Variants in FAM117B observed in about 807,000 individuals in gnomAD.
FAM117B encodes protein FAM117B.
Under a neutral mutation model 52.8 loss-of-function variants are expected in FAM117B, and 22 were observed. That is an observed-to-expected ratio of 0.42 (90% confidence interval 0.30 to 0.59). FAM117B has a LOEUF of 0.59. FAM117B is among the 20% of genes least tolerant of loss of function. The pLI is 0.22. For missense variants in FAM117B, 678 were observed against 802.6 expected, an observed-to-expected ratio of 0.84 and a Z score of 1.88; for synonymous variants, 309 against 324.1, an observed-to-expected ratio of 0.95 and a Z score of 0.50.
At chr2:202,654,263 A>C (rs1690020633) in intron 1 of FAM117B, among the ~76,000 whole-genome samples, 1 of 93,598 alleles carries the variant, frequency 1.1e-5, no homozygotes, top group African/African-American at 3.2e-5. Context: ...AGTCTACCTC[A>C]AAAAAAAAAA....
intron 1 of FAM117B, among the ~76,000 whole-genome samples, chr2:202,675,972 G>A (rs1690371912): frequency 1.5e-5 from 2 of 135,862 alleles, no homozygotes; most frequent in Admixed American, 7.8e-5. Flanking sequence ...GGGACAGAGC[G>A]AGACACAGTC....
chr2:202,760,675 C>A (rs530106767), intron 7 of FAM117B, among the ~76,000 whole-genome samples: 5 of 152,022 alleles, frequency 3.3e-5, no homozygotes, highest in Non-Finnish European at 5.9e-5. Context: ...GTCTGATTCT[C>A]AGTTTTTTCA....
chr2:202,641,443 T>A (rs1337374560), intron 1 of FAM117B, among the ~76,000 whole-genome samples: 1 of 152,206 alleles, frequency 6.6e-6, no homozygotes, highest in Non-Finnish European at 1.5e-5. Context: ...GTTAATAGTA[T>A]GTACTCTGGA....
chr2:202,653,249 C>CA (rs1689982673), intron 1 of FAM117B, among the ~76,000 whole-genome samples: 2 of 152,192 alleles, frequency 1.3e-5, no homozygotes, highest in East Asian at 3.8e-4. Context: ...GCCTGGGCAA[C>CA]AGAGTAAGAC....
At chr2:202,650,942 C>A (rs1413296918) in intron 1 of FAM117B, among the ~76,000 whole-genome samples, 1 of 152,102 alleles carries the variant, frequency 6.6e-6, no homozygotes, top group Non-Finnish European at 1.5e-5. Flanking sequence ...TTTGGCAACA[C>A]CCTCACAAAC....
In FAM117B at chr2:202,668,004, C is replaced by T. The variant is rs138878521; in HGVS notation, c.602-27877C>T. Among the ~76,000 whole-genome samples the T allele has an allele frequency of 1.4e-3, 210 of 150,446 alleles. 5 individuals are homozygous for T. In the East Asian group the frequency reaches 0.04, roughly 29 times the overall value. ...TTGGGAGGCCCAGATGGGAAGATTG[C>T]TTGAGGCCAGGAGTTTGCTTAGGCA... On this transcript the variant is annotated intron_variant, in intron 1 of 7. Coordinates refer to ENST00000392238, the MANE Select transcript of FAM117B (RefSeq NM_173511.4).
At chr2:202,656,147 A>G (rs941744051) in intron 1 of FAM117B, among the ~76,000 whole-genome samples, 4 of 152,036 alleles carry the variant, frequency 2.6e-5, no homozygotes, top group African/African-American at 9.7e-5. Context: ...GAGGTTTATT[A>G]TTTTTATAGG....
At chr2:202,732,160 G>C (rs1691362608) in intron 4 of FAM117B, among the ~76,000 whole-genome samples, 1 of 151,848 alleles carries the variant, frequency 6.6e-6, no homozygotes, top group African/African-American at 2.4e-5. Flanking sequence ...CAAAGTGCCG[G>C]GATTACAGGC....
chr2:202,688,869 A>G (rs1690582086), intron 1 of FAM117B, among the ~76,000 whole-genome samples: 2 of 152,224 alleles, frequency 1.3e-5, no homozygotes, highest in African/African-American at 4.8e-5. Context: ...TTTCACGAAC[A>G]GATCTTAAAA....
At chr2:202,733,397 C>T (rs896471867) in intron 4 of FAM117B, among the ~76,000 whole-genome samples, 7 of 152,094 alleles carry the variant, frequency 4.6e-5, no homozygotes, top group Non-Finnish European at 8.8e-5. Flanking sequence ...TTTACCAGGA[C>T]GGGATCTTTT....
chr2:202,751,824 C>A (rs1691728550), intron 4 of FAM117B, among the ~76,000 whole-genome samples: 1 of 145,644 alleles, frequency 6.9e-6, no homozygotes. Context: ...ATCTGTGCAC[C>A]AAAGATCTGA....
chr2:202,685,498 C>A (rs1049664806), intron 1 of FAM117B, among the ~76,000 whole-genome samples: 1 of 152,158 alleles, frequency 6.6e-6, no homozygotes, highest in Non-Finnish European at 1.5e-5. Context: ...ACAATTCCTA[C>A]TCTGATCCTA....
chr2:202,723,631 A>G (rs1691185697), intron 2 of FAM117B, among the ~76,000 whole-genome samples: 1 of 152,166 alleles, frequency 6.6e-6, no homozygotes, highest in Non-Finnish European at 1.5e-5. Flanking sequence ...GTACTCTGTT[A>G]TAAAGGTATA....
At chr2:202,646,085 G>A (rs1398711386) in intron 1 of FAM117B, among the ~76,000 whole-genome samples, 3 of 149,834 alleles carry the variant, frequency 2.0e-5, no homozygotes, top group Admixed American at 2.0e-4. Flanking sequence ...GGAGTGCAGT[G>A]GCACTATCTT....
At chr2:202,668,975 G>A (rs1690251437) in intron 1 of FAM117B, among the ~76,000 whole-genome samples, 1 of 152,018 alleles carries the variant, frequency 6.6e-6, no homozygotes, top group East Asian at 1.9e-4. Context: ...AACCTATTAC[G>A]AATAGGTATC....
At chr2:202,710,493 G>A (rs1690941680) in intron 2 of FAM117B, among the ~76,000 whole-genome samples, 1 of 151,834 alleles carries the variant, frequency 6.6e-6, no homozygotes, top group Admixed American at 6.6e-5. Context: ...TGATTATAAT[G>A]CATAATAATC....
chr2:202,643,855 G>A (rs1001676407), intron 1 of FAM117B, among the ~76,000 whole-genome samples: 5 of 152,042 alleles, frequency 3.3e-5, no homozygotes, highest in African/African-American at 1.2e-4. Context: ...GATTGTAGGT[G>A]TGTAGCACCA....
intron 2 of FAM117B, among the ~76,000 whole-genome samples, chr2:202,703,532 T>C (rs1245190052): frequency 1.3e-5 from 2 of 152,092 alleles, no homozygotes; most frequent in African/African-American, 4.8e-5. Context: ...TTTTTTGAGT[T>C]TTTAGTAGAG....
At chr2:202,765,059 A>G (rs1211268548) in intron 7 of FAM117B, among the ~76,000 whole-genome samples, 1 of 152,194 alleles carries the variant, frequency 6.6e-6, no homozygotes, top group Non-Finnish European at 1.5e-5. Flanking sequence ...TATACCATAC[A>G]TAAAGGCATA....
Sources: allele counts gnomAD v4.1 joint callset (sites outside exome capture counted in the v4.1 genomes callset), GRCh38; gene constraint gnomAD v4.1.1; transcripts MANE v1.5; gene names NCBI Gene and HGNC (gene_info 2026-07-23, HGNC 2026-07-21).